DNAH8: variants seen among roughly 807,000 people sequenced by gnomAD.
DNAH8 encodes dynein axonemal heavy chain 8.
A neutral mutation model predicts 562.1 loss-of-function variants in DNAH8; 382 were observed. The ratio of observed to expected loss-of-function variants is 0.68; its 90% CI spans 0.63 to 0.74. DNAH8 has a LOEUF of 0.74. Ranked by LOEUF, DNAH8 falls within the 30% of genes least tolerant of loss-of-function variation. The pLI is 0.00. For missense variants in DNAH8, 5,203 were observed against 5,620.4 expected (o/e 0.93, Z 2.37); for synonymous variants, 1,881 against 1,919.4 (o/e 0.98, Z 0.52).
rs1407617826 is a variant in DNAH8 at position 38,931,946 on chromosome 6, G to C, written c.11410G>C (p.Gly3804Arg). 2.5e-6 allele frequency: 4 copies of C among 1,608,864 alleles called. No homozygotes were observed. The highest frequency in any genetic ancestry group is 1.7e-6 in the Non-Finnish European group (2 of 1,178,110). Residue 3804 changes from glycine to arginine, a missense_variant, in exon 76 of 93, where the codon GGA becomes CGA. Gly to Arg is a moderately radical substitution (Grantham distance 125). Around this residue, in one of 6 missense-constraint regions of DNAH8, gnomAD observed 1,399 missense variants for 1,518.4 expected, o/e 0.92. Coordinates refer to ENST00000327475, the MANE Select transcript of DNAH8 (RefSeq NM_001206927.2). Reference protein sequence around the residue: ...SVIDFTVTMKGLENQLLRRVI... With the variant: ...SVIDFTVTMKRLENQLLRRVI... ...CATTGATTTCACTGTTACAATGAAA[G>C]GACTTGAGAATCAGTTACTAAGGAG...
Position 39,008,811 on chromosome 6 carries a change from T to G in DNAH8, c.13215-3T>G, listed in dbSNP as rs777196159. ...ATTCTGAACAGCTCACTCTTTTTAC[T>G]AGGTATCAGAGTAACACTGCTTCTG... On this transcript the variant is annotated splice_region_variant and splice_polypyrimidine_tract_variant and intron_variant, in intron 88 of 92. Transcript: ENST00000327475. 7 of 1,586,538 alleles carry G rather than the reference T, an allele frequency of 4.4e-6. No individual in the cohort carries two copies.
intron 48 of DNAH8, among the ~76,000 whole-genome samples, chr6:38,869,784 A>G (rs1338848188): frequency 1.3e-5 from 2 of 152,220 alleles, no homozygotes; most frequent in Admixed American, 6.5e-5. Context: ...AGAAGCAAAG[A>G]TTCATGTGAT....
chr6:38,809,225 T>C (rs1161380951), intron 24 of DNAH8, among the ~76,000 whole-genome samples: 1 of 152,186 alleles, frequency 6.6e-6, no homozygotes, highest in East Asian at 1.9e-4. Flanking sequence ...TTTTGCCTTA[T>C]CTTTTCATTT....
rs2127608783 is a variant in DNAH8, at chr6:38,761,691, A to G, written c.1516-11A>G. ...TTACATATAATTATTTTGTACCTAT[A>G]TTTATTTCAGGTAACAAATCAAATG... is the stretch of plus-strand genomic sequence containing the variant. On this transcript the variant is annotated splice_polypyrimidine_tract_variant and intron_variant, in intron 10 of 92. Coordinates refer to ENST00000327475, the MANE Select transcript of DNAH8 (RefSeq NM_001206927.2). 2.8e-6 allele frequency: 4 copies of G among 1,410,364 alleles called. No individual in the cohort carries two copies. The East Asian group carries it at 1.0e-4, about 35-fold the overall frequency. 87.4% of individuals were successfully genotyped at this position (1,410,364 alleles called of 1,614,324 possible).
At chr6:38,788,783 C>T (rs1196958051) in intron 18 of DNAH8, among the ~76,000 whole-genome samples, 1 of 152,080 alleles carries the variant, frequency 6.6e-6, no homozygotes, top group Non-Finnish European at 1.5e-5. Context: ...TTAAATTTTG[C>T]TGAAGTCCAA....
chr6:38,797,602 T>A (rs1170689631), intron 21 of DNAH8, among the ~76,000 whole-genome samples: 2 of 152,134 alleles, frequency 1.3e-5, no homozygotes, highest in Non-Finnish European at 2.9e-5. Context: ...TCCAATTCCT[T>A]GTAAAAATAC....
intron 85 of DNAH8, among the ~76,000 whole-genome samples, chr6:38,979,089 A>G (rs559050103): frequency 2.1e-4 from 32 of 152,276 alleles, no homozygotes; most frequent in African/African-American, 7.2e-4. Context: ...TTTTCTCCAC[A>G]AGTCACAGGA....
rs1490201990 is a variant in DNAH8, at chr6:38,795,247, C to G, written c.2901+3573C>G. Among the ~76,000 whole-genome samples the G allele has an allele frequency of 3.3e-5, 5 of 152,218 alleles. No homozygotes were observed. The South Asian group carries it at 8.3e-4, about 25-fold the overall frequency. ...ATCATCTCAAACTAAAACTCTCTACCAATTATACAGTAATTCTCCAGTGGT... is the reference window on the plus strand; with the variant it reads ...ATCATCTCAAACTAAAACTCTCTACGAATTATACAGTAATTCTCCAGTGGT... On this transcript the variant is annotated intron_variant, in intron 21 of 92. Transcript: ENST00000327475.
intron 35 of DNAH8, among the ~76,000 whole-genome samples, chr6:38,843,953 C>T (rs1775056989): frequency 6.6e-6 from 1 of 152,136 alleles, no homozygotes; most frequent in South Asian, 2.1e-4. Context: ...ATAGCGGTCT[C>T]CTTCCTCTAC....
chr6:38,896,455 C>T (rs1300317890), intron 60 of DNAH8, among the ~76,000 whole-genome samples: 1 of 151,774 alleles, frequency 6.6e-6, no homozygotes, highest in African/African-American at 2.4e-5. Context: ...TGCTGCTGTA[C>T]TCCCAATTAC....
At chr6:38,829,810 T>G (rs1773675456) in intron 30 of DNAH8, among the ~76,000 whole-genome samples, 1 of 152,218 alleles carries the variant, frequency 6.6e-6, no homozygotes, top group African/African-American at 2.4e-5. Context: ...TTAACCATTT[T>G]AGTAGTGTTA....
In DNAH8 at chr6:38,737,203, C is replaced by A; in HGVS notation, c.899C>A (p.Ser300Tyr). 1 of 1,524,584 alleles carries A rather than the reference C, an allele frequency of 6.6e-7. No individual in the cohort carries two copies. The highest frequency in any genetic ancestry group is 8.8e-7 in the Non-Finnish European group (1 of 1,135,894). 94.4% of individuals were successfully genotyped at this position (1,524,584 alleles called of 1,614,324 possible). Residue 300 changes from serine (S) to tyrosine (Y), a missense_variant, in exon 6 of 93, where the codon TCT becomes TAT. This residue lies in a region of DNAH8 where 556 missense variants were observed against 496.9 expected (regional missense o/e 1.12). Transcript: ENST00000327475. ...TTAAACCAGTCCAAGCAGGGAGAATCTGAAAAACATATTTTCACTGAAACC... is the reference window on the plus strand; with the variant it reads ...TTAAACCAGTCCAAGCAGGGAGAATATGAAAAACATATTTTCACTGAAACC... ...GALNQSKQGESEKHIFTETIN... is the reference protein window; with the variant it reads ...GALNQSKQGEYEKHIFTETIN...
intron 74 of DNAH8, among the ~76,000 whole-genome samples, chr6:38,927,451 G>C (rs1453360022): frequency 3.3e-5 from 5 of 152,152 alleles, no homozygotes; most frequent in Non-Finnish European, 4.4e-5. Flanking sequence ...AGAAAACCCA[G>C]GGAAATCCTA....
In DNAH8 at chr6:38,875,636, G is replaced by A. The variant is rs369727162; in HGVS notation, c.7666G>A (p.Gly2556Ser). The A allele has an allele frequency of 9.9e-6, 16 of 1,613,120 alleles. No homozygotes were observed. The highest frequency in any genetic ancestry group is 1.3e-5 in the Non-Finnish European group (15 of 1,179,430). The change falls in exon 53 of 93, where the codon GGT becomes AGT. Residue 2556 changes from glycine to serine, a missense_variant. This residue lies in a region of DNAH8 where 977 missense variants were observed against 1,061.8 expected (regional missense o/e 0.92). Transcript: ENST00000327475. ...EGLIPSKEEG[G>S]VSCVEHLHKL... is the part of the protein sequence containing the mutation. Reference sequence around the variant, plus strand: ...GTTAATTCCCTCCAAAGAAGAAGGCGGTGTTTCCTGTGTCGAACATCTTCA... The same window carrying A: ...GTTAATTCCCTCCAAAGAAGAAGGCAGTGTTTCCTGTGTCGAACATCTTCA...
intron 82 of DNAH8, among the ~76,000 whole-genome samples, chr6:38,953,712 G>A (rs1431934445): frequency 6.6e-6 from 1 of 152,134 alleles, no homozygotes; most frequent in Non-Finnish European, 1.5e-5. Context: ...CTGTTAAAAT[G>A]GAACTATTAC....
chr6:38,745,021 A>G (rs1286242096), intron 8 of DNAH8, among the ~76,000 whole-genome samples: 1 of 152,256 alleles, frequency 6.6e-6, no homozygotes, highest in Non-Finnish European at 1.5e-5. Context: ...TGCAAGGCCC[A>G]TACTGCTCTT....
chr6:38,825,998 T>TGCTACAA lies in DNAH8; in HGVS notation c.3848-158_3848-157insGCTACAA, dbSNP rs528785737. On this transcript the variant is annotated intron_variant, in intron 28 of 92. Transcript: ENST00000327475. ...CAGGAATTAAGTCTTCAAAATCTAG[T>TGCTACAA]AACCTTATAGCACATGTAATTCATA... Among the ~76,000 whole-genome samples, 209 of 152,300 alleles carry TGCTACAA rather than the reference T, an allele frequency of 1.4e-3. 1 individual carries two copies. Among genetic ancestry groups the TGCTACAA allele is most frequent in the African/African-American group, 4.6e-3 (191 of 41,550 alleles).
rs150086228 is a variant in DNAH8, at chr6:38,904,567, G to A, written c.9195-1687G>A. Among the ~76,000 whole-genome samples, 432 of 152,148 alleles carry A rather than the reference G, an allele frequency of 2.8e-3. 1 individual carries two copies. Among genetic ancestry groups the A allele is most frequent in the African/African-American group, 9.9e-3 (411 of 41,504 alleles). On this transcript the variant is annotated intron_variant, in intron 62 of 92. Transcript: ENST00000327475. The stretch of plus-strand genomic sequence containing the variant: ...GCACTTTGGGAGGCCGAGGTGGGCG[G>A]ATCACCTGAGGTGAGGAGTTCGAGA...
At chr6:38,966,917 A>G (rs1482376612) in intron 82 of DNAH8, among the ~76,000 whole-genome samples, 2 of 152,152 alleles carry the variant, frequency 1.3e-5, no homozygotes, top group African/African-American at 2.4e-5. Context: ...ATGACTTCTC[A>G]TTGTGTCTTC....
Sources: gnomAD v4.1 joint callset for allele counts (sites outside exome capture counted in the v4.1 genomes callset) on GRCh38, gnomAD v4.1.1 for gene constraint, gnomAD v4.1.1 regional missense constraint, MANE v1.5 for transcripts, NCBI Gene and HGNC (gene_info 2026-07-23, HGNC 2026-07-21) for gene names.